The following CMTM4 variants were observed in gnomAD, a reference collection of about 807,000 sequenced individuals.
CMTM4 encodes CKLF-like MARVEL transmembrane domain-containing protein 4.
A neutral mutation model predicts 19.0 loss-of-function variants in CMTM4; 8 were observed. The observed-to-expected ratio is 0.42, with a 90% CI of 0.25 to 0.76. CMTM4 has a LOEUF of 0.76. CMTM4 is among the 30% of genes least tolerant of loss of function. The pLI is 0.27. For missense variants in CMTM4, 228 were observed against 290.2 expected (o/e 0.79, Z 1.56); for synonymous variants, 106 against 121.1 (o/e 0.88, Z 0.82).
At chr16:66,683,176 C>CACATATATATATATACGT (rs2016961900) in intron 1 of CMTM4, among the ~76,000 whole-genome samples, 3 of 106,048 alleles carry the variant, frequency 2.8e-5, no homozygotes, top group African/African-American at 1.1e-4. Context: ...TATATATATA[C>CACATATATATATATACGT]ATATGTATAT....
chr16:66,613,337 G>C, downstream of CMTM4: 1 of 568,738 alleles, frequency 1.8e-6, no homozygotes, highest in East Asian at 2.9e-5. Context: ...TGGTCCAGAA[G>C]ACAGAGGGTA....
intron 1 of CMTM4, among the ~76,000 whole-genome samples, chr16:66,683,913 A>G (rs1415314889): frequency 6.6e-6 from 1 of 152,174 alleles, no homozygotes; most frequent in Non-Finnish European, 1.5e-5. Flanking sequence ...AATTTAAAAA[A>G]TAAAAATAGC....
chr16:66,609,991 C>T (rs912570094), downstream of CMTM4: 1 of 1,614,188 alleles, frequency 6.2e-7, no homozygotes, highest in Admixed American at 1.7e-5. This position sits in a 1 kb window ranked among gnomAD's most constrained non-coding sequence, Gnocchi z 4.4. Context: ...GACCACAGCC[C>T]ACAAGACAGA....
the CMTM4 span, chr16:66,609,334 G>T: frequency 6.0e-6 from 6 of 998,978 alleles, no homozygotes; most frequent in South Asian, 7.2e-5. This position sits in a 1 kb window ranked among gnomAD's most constrained non-coding sequence, Gnocchi z 4.4. Context: ...GAGCCCTCAG[G>T]TGCTAGGCCT....
Position 66,621,791 on chromosome 16 carries a change from C to G in CMTM4, c.*267G>C. 1 of 1,291,196 alleles carries G rather than the reference C, an allele frequency of 7.7e-7. No individual in the cohort carries two copies. The highest frequency in any genetic ancestry group is 9.9e-7 in the Non-Finnish European group (1 of 1,013,218). 80.0% of individuals were successfully genotyped at this position (1,291,196 alleles called of 1,614,324 possible). A position where few individuals can be genotyped will look rare whatever the true frequency, so the allele number is the denominator to read the frequency against. ...CAAGGTGGCTCAGAGTCAAAGGAAGCCTGTGCTTCAGGGCAGGTAAGACCT... is the reference window on the plus strand; with the variant it reads ...CAAGGTGGCTCAGAGTCAAAGGAAGGCTGTGCTTCAGGGCAGGTAAGACCT... On this transcript the variant is annotated 3_prime_UTR_variant, in exon 4 of 4. Transcript: ENST00000394106.
In CMTM4 at chr16:66,696,364, G is replaced by A. The variant is rs1345334565; in HGVS notation, c.162C>T (p.Leu54=). ...RCDPDYLRGA[L]GRLKVAQVIL... ...CCACTTGGGCGACCTTGAGGCGGCCGAGCGCGCCGCGCAGGTAGTCGGGGT... is the reference window on the plus strand; with the variant it reads ...CCACTTGGGCGACCTTGAGGCGGCCAAGCGCGCCGCGCAGGTAGTCGGGGT... Residue 54 remains leucine, a synonymous_variant, in exon 1 of 4, where the codon CTC becomes CTT. Transcript: ENST00000394106. The surrounding 1 kb of genome is among the most constrained non-coding windows in gnomAD (Gnocchi z 4.3). 4.9e-6 allele frequency: 7 copies of A among 1,422,062 alleles called. No individual in the cohort carries two copies. In the African/African-American group the frequency reaches 7.5e-5, roughly 15 times the overall value. The allele number at this position is 1,422,062 out of a possible 1,614,324, so 88.1% of individuals were successfully genotyped here.
At chr16:66,683,257 A>G (rs1213687871) in intron 1 of CMTM4, among the ~76,000 whole-genome samples, 1 of 136,878 alleles carries the variant, frequency 7.3e-6, no homozygotes, top group Non-Finnish European at 1.6e-5. Flanking sequence ...GACCTTACAA[A>G]CTACATTAAT....
At chr16:66,633,489 C>G (rs2015923821) in intron 2 of CMTM4, among the ~76,000 whole-genome samples, 1 of 152,078 alleles carries the variant, frequency 6.6e-6, no homozygotes, top group South Asian at 2.1e-4. Flanking sequence ...TTTTTCACCC[C>G]TCTCAGAGAA....
the CMTM4 span, among the ~76,000 whole-genome samples, chr16:66,598,526 A>G: frequency 6.6e-6 from 1 of 151,996 alleles, no homozygotes; most frequent in Non-Finnish European, 1.5e-5. Context: ...TGTAACCACC[A>G]CCCCAATCAA....
chr16:66,661,832 C>A (rs1398471574), intron 1 of CMTM4, among the ~76,000 whole-genome samples: 2 of 152,104 alleles, frequency 1.3e-5, no homozygotes, highest in African/African-American at 4.8e-5. Context: ...ACTCAGGAGG[C>A]TGAGGCAGGA....
At chr16:66,636,724 A>T (rs2015999097) in intron 1 of CMTM4, 143 bp from the exon 2 acceptor site, 1 of 649,758 alleles carries the variant, frequency 1.5e-6, no homozygotes, top group African/African-American at 1.8e-5. Context: ...AACTGTCGGA[A>T]ATCAGACCTG....
chr16:66,683,176 CATATGTATATATATATACAT>C (rs1486288140), intron 1 of CMTM4, among the ~76,000 whole-genome samples: 3 of 106,048 alleles, frequency 2.8e-5, no homozygotes, highest in Non-Finnish European at 5.4e-5. Context: ...TATATATATA[CATATGTATATATATATACAT>C]ATATATATAT....
chr16:66,636,626 T>C (rs760353493), intron 1 of CMTM4, 45 bp from the exon 2 acceptor site: 2 of 1,510,064 alleles, frequency 1.3e-6, no homozygotes, highest in Non-Finnish European at 9.2e-7. Flanking sequence ...ATGTTTAGTA[T>C]ACATCTGCGG....
In CMTM4 at chr16:66,619,267, T is replaced by C; in HGVS notation, c.*2791A>G. On this transcript the variant is annotated 3_prime_UTR_variant, in exon 4 of 4. Coordinates refer to ENST00000394106, the MANE Select transcript of CMTM4 (RefSeq NM_181521.3). Reference sequence around the variant, plus strand: ...CCACCCAATCAGTGCCAAAATAAACTTTCTCTGAGGACATCAGTGTTTGCA... The same window carrying C: ...CCACCCAATCAGTGCCAAAATAAACCTTCTCTGAGGACATCAGTGTTTGCA... The C allele has an allele frequency of 1.0e-6, 1 of 985,426 alleles. No individual in the cohort carries two copies. Among genetic ancestry groups the C allele is most frequent in the Non-Finnish European group, 1.2e-6 (1 of 829,940 alleles). 61.0% of individuals were successfully genotyped at this position (985,426 alleles called of 1,614,324 possible). A position where few individuals can be genotyped will look rare whatever the true frequency, so the allele number is the denominator to read the frequency against.
chr16:66,599,140 T>A, the CMTM4 span, among the ~76,000 whole-genome samples: 2 of 150,750 alleles, frequency 1.3e-5, no homozygotes, highest in South Asian at 2.1e-4. Flanking sequence ...AAAAAAAAAA[T>A]TTAGCCAGCT....
chr16:66,687,606 A>G (rs1382792093), intron 1 of CMTM4, among the ~76,000 whole-genome samples: 1 of 151,970 alleles, frequency 6.6e-6, no homozygotes, highest in African/African-American at 2.4e-5. Context: ...AACTTGTATC[A>G]TTCCAGAGAT....
intron 1 of CMTM4, among the ~76,000 whole-genome samples, chr16:66,684,043 C>T (rs1567432823): frequency 2.6e-5 from 4 of 152,222 alleles, no homozygotes; most frequent in South Asian, 2.1e-4. Flanking sequence ...CTGAAGTAAT[C>T]GGTATTATAA....
At chr16:66,641,001 C>G (rs776353042) in intron 1 of CMTM4, among the ~76,000 whole-genome samples, 1 of 152,198 alleles carries the variant, frequency 6.6e-6, no homozygotes, top group Non-Finnish European at 1.5e-5. Flanking sequence ...AAGCCACCCC[C>G]CAAATTCCTG....
rs890062588 is a variant in CMTM4 at position 66,619,100 on chromosome 16, G to C, written c.*2958C>G. 1.0e-5 allele frequency: 10 copies of C among 985,352 alleles called. No homozygotes were observed. In the Admixed American group the frequency reaches 4.9e-4, roughly 48 times the overall value. 61.0% of individuals were successfully genotyped at this position (985,352 alleles called of 1,614,324 possible). Reference sequence around the variant, plus strand: ...TCTGAAACTGCATCTGTTCTTCCCAGCTTTATGTGGGGCCAACAAGTATCT... The same window carrying C: ...TCTGAAACTGCATCTGTTCTTCCCACCTTTATGTGGGGCCAACAAGTATCT... On this transcript the variant is annotated 3_prime_UTR_variant, in exon 4 of 4. Transcript: ENST00000394106.
Sources: allele counts gnomAD v4.1 joint callset (sites outside exome capture counted in the v4.1 genomes callset), GRCh38; gene constraint gnomAD v4.1.1; non-coding constraint Gnocchi (gnomAD v3.1); transcripts MANE v1.5; gene names NCBI Gene and HGNC (gene_info 2026-07-23, HGNC 2026-07-21).